ITGA8: variants seen among roughly 807,000 people sequenced by gnomAD.
The protein encoded by ITGA8 is integrin subunit alpha 8.
Under a neutral mutation model 142.3 loss-of-function variants are expected in ITGA8, and 91 were observed. The observed-to-expected ratio is 0.64, with a 90% CI of 0.54 to 0.76. The LOEUF (loss-of-function observed/expected upper bound fraction) is 0.76. Ranked by LOEUF, ITGA8 falls within the 30% of genes least tolerant of loss-of-function variation. The pLI is 0.00. For missense variants in ITGA8, 1,406 were observed against 1,327.7 expected (o/e 1.06, Z -0.92); for synonymous variants, 505 against 485.2 (o/e 1.04, Z -0.54).
intron 23 of ITGA8, among the ~76,000 whole-genome samples, chr10:15,581,372 A>T (rs1374541847): frequency 6.6e-6 from 1 of 152,220 alleles, no homozygotes; most frequent in Non-Finnish European, 1.5e-5. Context: ...GGGGAGAAGG[A>T]TGGAAACCCT....
At chr10:15,695,429 G>A (rs184681772) in intron 2 of ITGA8, among the ~76,000 whole-genome samples, 6 of 152,244 alleles carry the variant, frequency 3.9e-5, no homozygotes, top group African/African-American at 1.4e-4. Context: ...AGATATATAT[G>A]GGTTGACTCT....
rs143782654 is a variant in ITGA8 at position 15,717,479 on chromosome 10, A to T, written c.343+1287T>A. Among the ~76,000 whole-genome samples the T allele has an allele frequency of 1.4e-4, 22 of 152,316 alleles. No homozygotes were observed. The East Asian group carries it at 4.0e-3, about 28-fold the overall frequency. Reference sequence around the variant, plus strand: ...AAGTGTCTCAAGTCTTGATAAAATAACTAATTAAAAGATTTCTGTCACAAA... The same window carrying T: ...AAGTGTCTCAAGTCTTGATAAAATATCTAATTAAAAGATTTCTGTCACAAA... On this transcript the variant is annotated intron_variant, in intron 2 of 29. Transcript: ENST00000378076.
At chr10:15,672,390 A>G (rs1435510299) in intron 7 of ITGA8, among the ~76,000 whole-genome samples, 1 of 152,206 alleles carries the variant, frequency 6.6e-6, no homozygotes, top group Non-Finnish European at 1.5e-5. Context: ...GAAATAGTTC[A>G]TGTGCAAAAA....
intron 21 of ITGA8, among the ~76,000 whole-genome samples, chr10:15,595,427 T>A (rs1436611517): frequency 2.0e-5 from 3 of 152,198 alleles, no homozygotes; most frequent in Admixed American, 6.5e-5. Context: ...CACTAAAGAA[T>A]GAGATAAGAA....
chr10:15,673,922 C>G (rs1834577504), intron 6 of ITGA8, among the ~76,000 whole-genome samples: 2 of 152,226 alleles, frequency 1.3e-5, no homozygotes, highest in Admixed American at 1.3e-4. Context: ...AATTTCTATG[C>G]ATTCCCATGT....
chr10:15,617,572 G>C (rs1263762671), intron 13 of ITGA8, among the ~76,000 whole-genome samples: 2 of 151,986 alleles, frequency 1.3e-5, no homozygotes, highest in African/African-American at 2.4e-5. Context: ...CTGATTTTTT[G>C]TATTTTTTGG....
intron 13 of ITGA8, among the ~76,000 whole-genome samples, chr10:15,618,502 C>G (rs765331847): frequency 6.7e-4 from 102 of 152,296 alleles, no homozygotes; most frequent in Non-Finnish European, 1.1e-3. Flanking sequence ...TGAGTGTCAA[C>G]TTGATCAGAC....
chr10:15,527,217 T>C (rs1347250525), intron 28 of ITGA8, among the ~76,000 whole-genome samples: 2 of 152,242 alleles, frequency 1.3e-5, no homozygotes, highest in African/African-American at 4.8e-5. Flanking sequence ...GTTCCCATCA[T>C]AAATTTCAAC....
Position 15,598,915 on chromosome 10 carries a change from A to G in ITGA8, c.2119-1616T>C, listed in dbSNP as rs75921254. ...CTTTCTTCTCAAAGTTAGGTTTAGT[A>G]TGTCTTCAGCTCCTTAAGGATCCAT... On this transcript the variant is annotated intron_variant, in intron 20 of 29. Coordinates refer to ENST00000378076, the MANE Select transcript of ITGA8 (RefSeq NM_003638.3). Among the ~76,000 whole-genome samples the G allele has an allele frequency of 9.1e-3, 1,379 of 152,274 alleles. 18 individuals carry two copies. The highest frequency in any genetic ancestry group is 0.032 in the African/African-American group (1,314 of 41,552).
intron 27 of ITGA8, among the ~76,000 whole-genome samples, chr10:15,535,934 C>T (rs1280796807): frequency 1.3e-5 from 2 of 152,016 alleles, no homozygotes; most frequent in African/African-American, 4.8e-5. Flanking sequence ...GCCAACCAGA[C>T]CACAAACCCA....
At position 15,628,324 on chromosome 10, in the gene ITGA8, G is replaced by GT. The variant is rs4030578; in HGVS notation, c.1400-11766dup. Among the ~76,000 whole-genome samples, 374 of 61,574 alleles carry GT rather than the reference G, an allele frequency of 6.1e-3. 55 individuals carry two copies. The highest frequency in any genetic ancestry group is 0.023 in the African/African-American group (344 of 14,746). The allele number at this position is 61,574 out of a possible 152,430, so 40.4% of individuals were successfully genotyped here. A position where few individuals can be genotyped will look rare whatever the true frequency, so the allele number is the denominator to read the frequency against. ...ATGGATTCACCTCTAATTTATTTTGGTTTTTTTTTTTTTTTTTTTTTTTTT... is the reference window on the plus strand; with the variant it reads ...ATGGATTCACCTCTAATTTATTTTGGTTTTTTTTTTTTTTTTTTTTTTTTTT... On this transcript the variant is annotated intron_variant, in intron 13 of 29. Coordinates refer to ENST00000378076, the MANE Select transcript of ITGA8 (RefSeq NM_003638.3).
rs114493052 is a variant in ITGA8, at chr10:15,580,764, G to T, written c.2373-5170C>A. 4.2e-3 allele frequency among the ~76,000 whole-genome samples: 644 copies of T among 152,214 alleles called. 3 individuals are homozygous for T. Among genetic ancestry groups the T allele is most frequent in the African/African-American group, 0.014 (602 of 41,546 alleles). On this transcript the variant is annotated intron_variant, in intron 23 of 29. Coordinates refer to ENST00000378076, the MANE Select transcript of ITGA8 (RefSeq NM_003638.3). ...GTTAAAAATTCTTAAGTAGAAATAA[G>T]ATAGAACATCCTCAACTTGATAAAG...
At chr10:15,634,719 A>G (rs1833741460) in intron 13 of ITGA8, among the ~76,000 whole-genome samples, 1 of 152,178 alleles carries the variant, frequency 6.6e-6, no homozygotes, top group Admixed American at 6.5e-5. Context: ...AGAGTAAGGA[A>G]ATATAACTAA....
intron 11 of ITGA8, among the ~76,000 whole-genome samples, chr10:15,652,804 T>A (rs1834112275): frequency 1.3e-5 from 2 of 152,142 alleles, no homozygotes; most frequent in African/African-American, 4.8e-5. Context: ...ACAGAGTCAT[T>A]CCACTGCCCT....
chr10:15,625,797 A>G (rs1254149327), intron 13 of ITGA8, among the ~76,000 whole-genome samples: 1 of 152,218 alleles, frequency 6.6e-6, no homozygotes, highest in African/African-American at 2.4e-5. Flanking sequence ...ATTTAGGCAG[A>G]TATGAGGGTA....
intron 27 of ITGA8, among the ~76,000 whole-genome samples, chr10:15,535,048 G>C (rs981724910): frequency 6.6e-6 from 1 of 152,200 alleles, no homozygotes; most frequent in Non-Finnish European, 1.5e-5. Context: ...TTCCGCGGGT[G>C]AGTGTGGGCT....
At chr10:15,700,274 C>A (rs145222480) in intron 2 of ITGA8, among the ~76,000 whole-genome samples, 385 of 152,300 alleles carry the variant, frequency 2.5e-3, no homozygotes, top group Admixed American at 4.4e-3. Context: ...TAAAACCTGA[C>A]TTGGCCCAAG....
intron 14 of ITGA8, among the ~76,000 whole-genome samples, chr10:15,615,912 GA>G (rs1833383241): frequency 6.6e-6 from 1 of 152,126 alleles, no homozygotes; most frequent in African/African-American, 2.4e-5. Context: ...TGAATGCTTT[GA>G]ACAAAGGTAA....
At chr10:15,549,826 C>T (rs372174889) in intron 26 of ITGA8, among the ~76,000 whole-genome samples, 1 of 152,298 alleles carries the variant, frequency 6.6e-6, no homozygotes, top group East Asian at 1.9e-4. Context: ...GAACATTTTT[C>T]AAGATCCTCA....
Sources: allele counts gnomAD v4.1 joint callset (sites outside exome capture counted in the v4.1 genomes callset), GRCh38; gene constraint gnomAD v4.1.1; transcripts MANE v1.5; gene names NCBI Gene and HGNC (gene_info 2026-07-23, HGNC 2026-07-21).